Variants in CACNA1C observed in about 807,000 individuals in gnomAD.
The protein encoded by CACNA1C is calcium voltage-gated channel subunit alpha1 C, also known as voltage-dependent L-type calcium channel subunit alpha-1C.
Under a neutral mutation model 229.0 loss-of-function variants are expected in CACNA1C, and 30 were observed. That is an observed-to-expected ratio of 0.13 (90% CI 0.10 to 0.18). CACNA1C has a LOEUF of 0.18. Among genes scored for constraint, CACNA1C ranks in the 10% least tolerant of loss-of-function variants. The probability of loss-of-function intolerance (pLI) is 1.00; values close to 1 mark genes in which losing one functional copy is unlikely to be tolerated. For synonymous variants in CACNA1C, 1,114 were observed against 1,132.5 expected, an observed-to-expected ratio of 0.98 and a Z score of 0.33; for missense variants, 1,658 against 2,845.0, an observed-to-expected ratio of 0.58 and a Z score of 9.49.
chr12:2,365,657 G>A (rs1386930918), intron 3 of CACNA1C, among the ~76,000 whole-genome samples: 1 of 152,066 alleles, frequency 6.6e-6, no homozygotes, highest in Non-Finnish European at 1.5e-5. Flanking sequence ...TATAAATAAT[G>A]CATAGAAAAC....
At chr12:1,979,636 G>A (rs531046509) in intron 1 of CACNA1C, among the ~76,000 whole-genome samples, 31 of 152,300 alleles carry the variant, frequency 2.0e-4, no homozygotes, top group African/African-American at 6.0e-4. Context: ...AAATAACTAC[G>A]AACGGAACTT....
chr12:2,440,641 A>G (rs892349494), intron 3 of CACNA1C, among the ~76,000 whole-genome samples: 3 of 152,222 alleles, frequency 2.0e-5, no homozygotes, highest in Non-Finnish European at 2.9e-5. Flanking sequence ...TGTTGGGCAC[A>G]GTAACCCAGG....
intron 1 of CACNA1C, among the ~76,000 whole-genome samples, chr12:2,114,605 A>G (rs1320784308): frequency 6.6e-6 from 1 of 152,216 alleles, no homozygotes; most frequent in East Asian, 1.9e-4. Flanking sequence ...GCTTTGAGGT[A>G]GCTGGATGTG....
Position 2,379,588 on chromosome 12 carries a change from T to C in CACNA1C, c.478-69388T>C, listed in dbSNP as rs76479292. Among the ~76,000 whole-genome samples the C allele has an allele frequency of 1.0e-3, 154 of 152,176 alleles. 1 individual carries two copies. In the East Asian group the frequency reaches 0.028, roughly 28 times the overall value. ...TGTCTGGGTGGTAGAGATTGTCCAG[T>C]CCATCTCTCATTTTACTGGTGAGGA... On this transcript the variant is annotated intron_variant, in intron 3 of 46. Coordinates refer to ENST00000399655, the MANE Select transcript of CACNA1C (RefSeq NM_000719.7).
chr12:2,552,892 T>C (rs771536787), intron 10 of CACNA1C, among the ~76,000 whole-genome samples: 1 of 152,010 alleles, frequency 6.6e-6, no homozygotes, highest in Non-Finnish European at 1.5e-5. Flanking sequence ...CTGGCCTTCA[T>C]TGTAATAAAG....
At chr12:1,974,632 A>G (rs1248398715) in intron 1 of CACNA1C, among the ~76,000 whole-genome samples, 1 of 152,174 alleles carries the variant, frequency 6.6e-6, no homozygotes, top group Non-Finnish European at 1.5e-5. Flanking sequence ...AGGACAAATA[A>G]TAACTAATAG....
chr12:2,176,856 T>C (rs7953823), intron 3 of CACNA1C, among the ~76,000 whole-genome samples: 16,133 of 152,170 alleles, frequency 0.11, 2,547 homozygotes, highest in African/African-American at 0.34. Flanking sequence ...TGGTTGGTGG[T>C]GAGTCTTTTG....
In CACNA1C at chr12:2,595,689, A is replaced by G. The variant is rs977389531; in HGVS notation, c.2664-185A>G. On this transcript the variant is annotated intron_variant, in intron 19 of 46. Transcript: ENST00000399655. The surrounding 1 kb of genome is among the most constrained non-coding windows in gnomAD (Gnocchi z 4.1). The stretch of plus-strand genomic sequence containing the variant: ...AAATATCAAAGATGATATGTGCACC[A>G]TGGGGGTGAGCAGTTGTCATTACCA... Among the ~76,000 whole-genome samples the G allele has an allele frequency of 6.6e-6, 1 of 152,134 alleles. No homozygotes were observed. Among genetic ancestry groups the G allele is most frequent in the African/African-American group, 2.4e-5 (1 of 41,418 alleles).
chr12:2,046,414 C>T (rs899605027), intron 1 of CACNA1C, among the ~76,000 whole-genome samples: 1 of 152,146 alleles, frequency 6.6e-6, no homozygotes, highest in Non-Finnish European at 1.5e-5. Flanking sequence ...CAAAGAGCCT[C>T]AGGAGATGAG....
intron 3 of CACNA1C, among the ~76,000 whole-genome samples, chr12:2,329,079 A>G (rs2096450310): frequency 6.6e-6 from 1 of 152,170 alleles, no homozygotes; most frequent in African/African-American, 2.4e-5. Flanking sequence ...TGTGATAGAT[A>G]ACTAAAGATA....
chr12:2,563,378 T>C (rs1467113341), intron 11 of CACNA1C, among the ~76,000 whole-genome samples: 1 of 152,218 alleles, frequency 6.6e-6, no homozygotes, highest in Non-Finnish European at 1.5e-5. Context: ...AGTATACAGA[T>C]TGGAAACCAT....
intron 3 of CACNA1C, among the ~76,000 whole-genome samples, chr12:2,314,585 C>T (rs2095594790): frequency 6.6e-6 from 1 of 152,210 alleles, no homozygotes; most frequent in South Asian, 2.1e-4. Flanking sequence ...TTGATATAAA[C>T]TCATGAAGTC....
intron 6 of CACNA1C, among the ~76,000 whole-genome samples, chr12:2,492,645 A>G (rs2099738357): frequency 6.6e-6 from 1 of 152,242 alleles, no homozygotes; most frequent in South Asian, 2.1e-4. Flanking sequence ...TGTATCCTCT[A>G]ATACATAGTG....
chr12:2,619,104 T>C (rs2082075739), intron 29 of CACNA1C, among the ~76,000 whole-genome samples: 1 of 152,140 alleles, frequency 6.6e-6, no homozygotes, highest in Non-Finnish European at 1.5e-5. Flanking sequence ...TTCTGGTAGA[T>C]TGAGACCCAG....
At chr12:2,247,451 A>G (rs2073825390) in intron 3 of CACNA1C, among the ~76,000 whole-genome samples, 1 of 152,250 alleles carries the variant, frequency 6.6e-6, no homozygotes. Flanking sequence ...AATTCCTCAC[A>G]GCTTTCTAGG....
At chr12:2,427,518 C>T (rs1002961092) in intron 3 of CACNA1C, among the ~76,000 whole-genome samples, 2 of 76,884 alleles carry the variant, frequency 2.6e-5, no homozygotes, top group Non-Finnish European at 5.3e-5. Flanking sequence ...AGAAATGGCT[C>T]GCTACCGACC....
rs1246713841 is a variant in CACNA1C, at chr12:2,556,988, C to T, written c.1508+11C>T. 1.2e-6 allele frequency: 2 copies of T among 1,610,096 alleles called. No homozygotes were observed. The highest frequency in any genetic ancestry group is 2.2e-5 in the East Asian group (1 of 44,874). ...CAAGTCAAAGTTCAGGTGAGTGAGA[C>T]TCACGCTGCTCTTCCTTCCTTCTGC... On this transcript the variant is annotated intron_variant, in intron 11 of 46. Coordinates refer to ENST00000399655, the MANE Select transcript of CACNA1C (RefSeq NM_000719.7).
chr12:2,581,430 G>A (rs964992562), intron 13 of CACNA1C, among the ~76,000 whole-genome samples, 160 bp from the exon 14 acceptor site: 2 of 152,136 alleles, frequency 1.3e-5, no homozygotes, highest in African/African-American at 4.8e-5. Context: ...CTCCAGGGTG[G>A]CAACTCACAC....
In CACNA1C at chr12:2,608,771, G is replaced by A. The variant is rs1045370420; in HGVS notation, c.3558+59G>A. On this transcript the variant is annotated intron_variant, in intron 27 of 46. Transcript: ENST00000399655. The surrounding 1 kb of genome is among the most constrained non-coding windows in gnomAD (Gnocchi z 4.2). ...GCCCACGGAGGGAATGGCAGCCTGC[G>A]GCCCACCCCGCAGAGGGGCTGCGAC... 2.1e-5 allele frequency: 32 copies of A among 1,556,676 alleles called. No homozygotes were observed. The highest frequency in any genetic ancestry group is 3.5e-5 in the Admixed American group (2 of 56,992).
Sources: allele counts gnomAD v4.1 joint callset (sites outside exome capture counted in the v4.1 genomes callset), GRCh38; gene constraint gnomAD v4.1.1; non-coding constraint Gnocchi (gnomAD v3.1); transcripts MANE v1.5; gene names NCBI Gene and HGNC (gene_info 2026-07-23, HGNC 2026-07-21).